SH3PXD2A: variants seen among roughly 807,000 people sequenced by gnomAD.
SH3PXD2A encodes SH3 and PX domain-containing protein 2A.
A neutral mutation model predicts 115.2 loss-of-function variants in SH3PXD2A; 32 were observed. The ratio of observed to expected loss-of-function variants is 0.28; its 90% CI spans 0.21 to 0.37. The LOEUF is 0.37. SH3PXD2A is among the 10% of genes least tolerant of loss of function. The pLI is 1.00. For synonymous variants in SH3PXD2A, 610 were observed against 629.1 expected (o/e 0.97, Z 0.45); for missense variants, 1,328 against 1,498.7 (o/e 0.89, Z 1.88).
At chr10:103,793,825 C>A (rs1345924021) in intron 2 of SH3PXD2A, among the ~76,000 whole-genome samples, 1 of 152,218 alleles carries the variant, frequency 6.6e-6, no homozygotes, top group Non-Finnish European at 1.5e-5. Flanking sequence ...GCGGAAGAGA[C>A]ATTTCCTCCT....
chr10:103,604,570 TC>T (rs1320405660), intron 14 of SH3PXD2A, among the ~76,000 whole-genome samples: 2 of 152,110 alleles, frequency 1.3e-5, no homozygotes, highest in Non-Finnish European at 2.9e-5. Context: ...TGTGGGACAC[TC>T]CTGGAGGAAA....
At chr10:103,792,917 T>C (rs1242385014) in intron 2 of SH3PXD2A, among the ~76,000 whole-genome samples, 2 of 152,184 alleles carry the variant, frequency 1.3e-5, no homozygotes, top group African/African-American at 2.4e-5. Context: ...TCTAGAATGA[T>C]GGTCCAGGAA....
chr10:103,702,950 G>A (rs2037937304), intron 5 of SH3PXD2A, among the ~76,000 whole-genome samples: 1 of 152,210 alleles, frequency 6.6e-6, no homozygotes, highest in Admixed American at 6.5e-5. Context: ...GTGTATGGGT[G>A]TGTGTGACAC....
rs118179196 is a variant in SH3PXD2A at position 103,733,970 on chromosome 10, T to G, written c.306+1762A>C. On this transcript the variant is annotated intron_variant, in intron 4 of 14. Coordinates refer to ENST00000369774, the MANE Select transcript of SH3PXD2A (RefSeq NM_001394015.1). ...TGAGGTCTCGTTATGCTACCCAGGC[T>G]GGTCTCAAACTCCTGGCCTCAAGTG... Among the ~76,000 whole-genome samples, 347 of 152,190 alleles carry G rather than the reference T, an allele frequency of 2.3e-3. 4 individuals carry two copies. The East Asian group carries it at 0.045, about 20-fold the overall frequency.
In SH3PXD2A at chr10:103,772,922, C is replaced by T. The variant is rs2038842372; in HGVS notation, c.154-5753G>A. ...GTGGCTTTCCTGACCCAGAAATTCC[C>T]CTTAAAAAGAGACAAGGACAGCCGG... On this transcript the variant is annotated intron_variant, in intron 2 of 14. Coordinates refer to ENST00000369774, the MANE Select transcript of SH3PXD2A (RefSeq NM_001394015.1). 2.0e-5 allele frequency among the ~76,000 whole-genome samples: 3 copies of T among 152,202 alleles called. No homozygotes were observed. The South Asian group carries it at 6.2e-4, about 31-fold the overall frequency.
chr10:103,817,029 T>G (rs1280863698), intron 1 of SH3PXD2A, among the ~76,000 whole-genome samples: 3 of 149,380 alleles, frequency 2.0e-5, no homozygotes, highest in Non-Finnish European at 4.4e-5. Flanking sequence ...TCTGTATTTT[T>G]AGTAGAGATG....
Position 103,603,362 on chromosome 10 carries a change from A to G in SH3PXD2A, c.1856T>C (p.Ile619Thr). Residue 619 changes from isoleucine (I) to threonine (T), a missense_variant, in exon 15 of 15, where the codon ATC becomes ACC. Coordinates refer to ENST00000369774, the MANE Select transcript of SH3PXD2A (RefSeq NM_001394015.1). ...TGGCCGGAAGCCCTCATTCTCATAG[A>G]TGGTCTCCTCTTCCAGGGCCACATC... is the stretch of plus-strand genomic sequence containing the variant. Reference protein sequence around the residue: ...SEDVALEEETIYENEGFRPYA... With the variant: ...SEDVALEEETTYENEGFRPYA... The G allele has an allele frequency of 6.2e-7, 1 of 1,614,094 alleles. No individual in the cohort carries two copies. Among genetic ancestry groups the G allele is most frequent in the Non-Finnish European group, 8.5e-7 (1 of 1,180,004 alleles).
At chr10:103,793,760 T>G (rs1158380703) in intron 2 of SH3PXD2A, among the ~76,000 whole-genome samples, 1 of 152,198 alleles carries the variant, frequency 6.6e-6, no homozygotes, top group East Asian at 1.9e-4. Flanking sequence ...ATCGCTTTAG[T>G]CTAGGGTCAG....
chr10:103,621,522 A>G (rs969725323), intron 10 of SH3PXD2A, among the ~76,000 whole-genome samples: 1 of 152,078 alleles, frequency 6.6e-6, no homozygotes, highest in Admixed American at 6.5e-5. Context: ...TCTTACAGTC[A>G]TTTAGAACCA....
intron 1 of SH3PXD2A, among the ~76,000 whole-genome samples, chr10:103,827,596 G>A (rs776141280): frequency 6.6e-6 from 1 of 152,158 alleles, no homozygotes; most frequent in Non-Finnish European, 1.5e-5. Flanking sequence ...ATAGCACACC[G>A]CCTGGCACAC....
intron 8 of SH3PXD2A, among the ~76,000 whole-genome samples, chr10:103,654,601 G>A (rs1023116561): frequency 6.6e-6 from 1 of 152,042 alleles, no homozygotes; most frequent in Non-Finnish European, 1.5e-5. Context: ...ATTATTTGTA[G>A]AGACAGGGCC....
In SH3PXD2A at chr10:103,783,319, G is replaced by A. The variant is rs548029288; in HGVS notation, c.154-16150C>T. On this transcript the variant is annotated intron_variant, in intron 2 of 14. Transcript: ENST00000369774. ...TTCGTGGGAAGACTGGATTATGGAGGAGGTGACCGTGAGAATGTGGAGACC... is the reference window on the plus strand; with the variant it reads ...TTCGTGGGAAGACTGGATTATGGAGAAGGTGACCGTGAGAATGTGGAGACC... Among the ~76,000 whole-genome samples the A allele has an allele frequency of 2.0e-5, 3 of 152,326 alleles. No individual in the cohort carries two copies. In the South Asian group the frequency reaches 6.2e-4, roughly 32 times the overall value.
intron 9 of SH3PXD2A, among the ~76,000 whole-genome samples, chr10:103,625,970 A>AG (rs1012951208): frequency 9.2e-5 from 14 of 152,366 alleles, no homozygotes; most frequent in African/African-American, 2.4e-4. Context: ...GACCTAGCTC[A>AG]GGGGCCAAGA....
At chr10:103,751,931 C>T (rs1176103914) in intron 3 of SH3PXD2A, among the ~76,000 whole-genome samples, 1 of 152,198 alleles carries the variant, frequency 6.6e-6, no homozygotes, top group Non-Finnish European at 1.5e-5. Flanking sequence ...ATTCATGCCT[C>T]CTGATATTTT....
At position 103,602,392 on chromosome 10, in the gene SH3PXD2A, G is replaced by T. The variant is rs1223167738; in HGVS notation, c.2826C>A (p.Ser942Arg). 3 of 1,614,050 alleles carry T rather than the reference G, an allele frequency of 1.9e-6. No individual in the cohort carries two copies. The highest frequency in any genetic ancestry group is 3.3e-5 in the Admixed American group (2 of 60,034). ...AGGGGATGGGGGGCGTGGCCTTCTT[G>T]CTCTGGTTGACGGTGTTCAGTGCTT... Reference protein sequence around the residue: ...RVQALNTVNQSKKATPPIPSK... With the variant: ...RVQALNTVNQRKKATPPIPSK... The change falls in exon 15 of 15, where the codon AGC becomes AGA. Residue 942 changes from serine (S) to arginine (R), a missense_variant. By Grantham distance (110) the Ser-to-Arg change is moderately radical. Coordinates refer to ENST00000369774, the MANE Select transcript of SH3PXD2A (RefSeq NM_001394015.1).
At position 103,685,312 on chromosome 10, in the gene SH3PXD2A, C is replaced by A. The variant is rs184181814; in HGVS notation, c.427+7716G>T. On this transcript the variant is annotated intron_variant, in intron 6 of 14. Transcript: ENST00000369774. ...TGAGATTGTGCCACTGCACTCCAGC[C>A]CAGGCAAACAGCAAAACTCTGTCTC... is the stretch of plus-strand genomic sequence containing the variant. Among the ~76,000 whole-genome samples, 10 of 140,210 alleles carry A rather than the reference C, an allele frequency of 7.1e-5. No homozygotes were observed. The East Asian group carries it at 2.1e-3, about 29-fold the overall frequency. 92.0% of individuals were successfully genotyped at this position (140,210 alleles called of 152,430 possible). A position where few individuals can be genotyped will look rare whatever the true frequency, so the allele number is the denominator to read the frequency against.
chr10:103,807,764 T>G (rs1438075956), intron 1 of SH3PXD2A, among the ~76,000 whole-genome samples: 1 of 152,196 alleles, frequency 6.6e-6, no homozygotes, highest in Non-Finnish European at 1.5e-5. Context: ...CCTCAGCTCT[T>G]TAACTTACCC....
intron 2 of SH3PXD2A, among the ~76,000 whole-genome samples, chr10:103,797,160 A>G (rs1263108177): frequency 1.3e-5 from 2 of 152,158 alleles, no homozygotes; most frequent in African/African-American, 2.4e-5. Flanking sequence ...CACCACGCCC[A>G]GTGCCCACAC....
intron 1 of SH3PXD2A, among the ~76,000 whole-genome samples, chr10:103,826,956 A>G (rs1397667378): frequency 6.6e-6 from 1 of 152,188 alleles, no homozygotes; most frequent in East Asian, 1.9e-4. Context: ...ATGGAGGGAT[A>G]ACTCGTAGAA....
Sources: allele counts gnomAD v4.1 joint callset (sites outside exome capture counted in the v4.1 genomes callset), GRCh38; gene constraint gnomAD v4.1.1; transcripts MANE v1.5; gene names NCBI Gene and HGNC (gene_info 2026-07-23, HGNC 2026-07-21).